Variants in DUS2 observed in about 807,000 individuals in gnomAD.
DUS2 encodes the protein dihydrouridine synthase 2.
DUS2 carries 52 observed loss-of-function variants against 71.3 expected under a neutral mutation model. The observed-to-expected ratio is 0.73, with a 90% confidence interval of 0.58 to 0.92. The LOEUF (loss-of-function observed/expected upper bound fraction) is 0.92, where lower values mean the gene tolerates loss of function less well. Among genes scored for constraint, DUS2 ranks in the 40% least tolerant of loss-of-function variants. The pLI, the probability that DUS2 is intolerant of heterozygous loss-of-function variation, is 0.00. For synonymous variants in DUS2, 204 were observed against 227.8 expected (o/e 0.90, Z 0.94); for missense variants, 558 against 622.6 (o/e 0.90, Z 1.10).
rs201827653 is a variant in DUS2, at chr16:68,078,515, T to C, written c.1241T>C (p.Leu414Ser). 5.0e-5 allele frequency: 81 copies of C among 1,613,830 alleles called. No homozygotes were observed. Among genetic ancestry groups the C allele is most frequent in the Middle Eastern group, 1.6e-4 (1 of 6,082 alleles). ...TVAEQKYQSTLWDKSKKLAEQ... is the reference protein window; with the variant it reads ...TVAEQKYQSTSWDKSKKLAEQ... ...GCTGAACAAAAGTATCAGTCTACCT[T>C]GTGGTAAGTTTCCTTATCATAGGAG... The change falls in exon 16 of 17, where the codon TTG (leucine) becomes TCG (serine). Residue 414 changes from leucine to serine, a missense_variant. Coordinates refer to ENST00000565263, the MANE Select transcript of DUS2 (RefSeq NM_017803.5).
At chr16:68,056,790 TCATA>T (rs563625447) in intron 7 of DUS2, among the ~76,000 whole-genome samples, 5,488 of 147,272 alleles carry the variant, frequency 0.037, 112 homozygotes, top group Middle Eastern at 0.13. Flanking sequence ...ATATATAGAT[TCATA>T]CATAGATTAT....
Position 68,074,059 on chromosome 16 carries a change from C to T in DUS2, c.836C>T (p.Thr279Ile). Residue 279 changes from threonine to isoleucine, a missense_variant, in exon 13 of 17, where the codon ACC becomes ATC. Transcript: ENST00000565263. ...GCGGTGCAGTATGACAACCACTACA[C>T]CAACACCAAGTACTGCTTGTGCCAG... is the stretch of plus-strand genomic sequence containing the variant. ...RYAVQYDNHY[T>I]NTKYCLCQML... is the part of the protein sequence containing the mutation. 2 of 1,614,190 alleles carry T rather than the reference C, an allele frequency of 1.2e-6. No homozygotes were observed. Among genetic ancestry groups the T allele is most frequent in the Non-Finnish European group, 1.7e-6 (2 of 1,180,018 alleles).
intron 3 of DUS2, among the ~76,000 whole-genome samples, chr16:68,042,086 T>G (rs927406726): frequency 3.9e-5 from 6 of 152,206 alleles, no homozygotes; most frequent in Non-Finnish European, 5.9e-5. Flanking sequence ...TTGACTACTT[T>G]AGATACCTTA....
chr16:68,068,496 C>T (rs1463013458), intron 10 of DUS2, among the ~76,000 whole-genome samples: 1 of 151,304 alleles, frequency 6.6e-6, no homozygotes, highest in African/African-American at 2.4e-5. Flanking sequence ...AAGATAATTT[C>T]TACTTTATAG....
chr16:68,044,616 C>T (rs576485071), intron 3 of DUS2, among the ~76,000 whole-genome samples: 5 of 151,432 alleles, frequency 3.3e-5, no homozygotes, highest in East Asian at 1.9e-4. Flanking sequence ...AGGCTGGTCT[C>T]GAACTCCTGA....
chr16:68,030,890 C>T (rs894097889), intron 2 of DUS2, among the ~76,000 whole-genome samples: 1 of 151,960 alleles, frequency 6.6e-6, no homozygotes, highest in Non-Finnish European at 1.5e-5. Context: ...CCTTCCATCA[C>T]TCCTGGCTAG....
At chr16:68,050,937 G>A (rs1459362553) in intron 4 of DUS2, among the ~76,000 whole-genome samples, 1 of 152,176 alleles carries the variant, frequency 6.6e-6, no homozygotes, top group African/African-American at 2.4e-5. Flanking sequence ...AGCTGTCTCT[G>A]TCAGTGATCA....
intron 1 of DUS2, among the ~76,000 whole-genome samples, 187 bp from the exon 2 acceptor site, chr16:68,025,228 C>G (rs914893725): frequency 4.6e-5 from 7 of 151,484 alleles, no homozygotes; most frequent in Non-Finnish European, 8.8e-5. Flanking sequence ...CCCAGCTACT[C>G]GGGAGGCTGA....
At position 68,049,563 on chromosome 16, in the gene DUS2, C is replaced by A. The variant is rs2033750534; in HGVS notation, c.172+13C>A. 1.9e-6 allele frequency: 3 copies of A among 1,613,758 alleles called. No individual in the cohort carries two copies. The highest frequency in any genetic ancestry group is 3.3e-5 in the Admixed American group (2 of 59,988). ...AGAGTTGTTAATGGTGAGTACAGAT[C>A]TGGCTCCAGAATTATGCATATGCCC... On this transcript the variant is annotated intron_variant, in intron 4 of 16. Transcript: ENST00000565263.
chr16:68,040,926 C>T (rs764165358), intron 3 of DUS2, among the ~76,000 whole-genome samples: 22 of 152,062 alleles, frequency 1.4e-4, no homozygotes, highest in Non-Finnish European at 2.5e-4. Flanking sequence ...CATGTAGGCA[C>T]CTCCTTAAAA....
chr16:68,031,356 G>T (rs1055959309), intron 2 of DUS2, among the ~76,000 whole-genome samples: 2 of 151,488 alleles, frequency 1.3e-5, no homozygotes, highest in Non-Finnish European at 2.9e-5. Context: ...GTAGAGACGG[G>T]GTTTCACCAT....
intron 8 of DUS2, among the ~76,000 whole-genome samples, chr16:68,066,086 T>C (rs1040888532): frequency 1.2e-4 from 18 of 152,230 alleles, no homozygotes; most frequent in African/African-American, 4.1e-4. Context: ...CAAATATGTG[T>C]ATACCACTAG....
chr16:68,042,275 A>G (rs2033636061), intron 3 of DUS2, among the ~76,000 whole-genome samples: 1 of 152,080 alleles, frequency 6.6e-6, no homozygotes, highest in African/African-American at 2.4e-5. Context: ...GTTAATGGCC[A>G]TTGGGTTGCT....
At position 68,054,554 on chromosome 16, in the gene DUS2, G is replaced by A. The variant is rs1335690982; in HGVS notation, c.265-20G>A. On this transcript the variant is annotated intron_variant, in intron 5 of 16. Transcript: ENST00000565263. ...TATCTGTGTCAGGGCAGTGGTTGAT[G>A]CAGCCTCTTGTGTTCCCAGGGGACT... 1 of 1,614,082 alleles carries A rather than the reference G, an allele frequency of 6.2e-7. No homozygotes were observed. The highest frequency in any genetic ancestry group is 8.5e-7 in the Non-Finnish European group (1 of 1,179,994).
Position 68,075,627 on chromosome 16 carries a change from TG to T in DUS2, c.1082+125del, listed in dbSNP as rs2034146627. 1.6e-5 allele frequency: 16 copies of T among 1,028,026 alleles called. No individual in the cohort carries two copies. The South Asian group carries it at 3.3e-4, about 21-fold the overall frequency. The allele number at this position is 1,028,026 out of a possible 1,614,324, so 63.7% of individuals were successfully genotyped here. A position where few individuals can be genotyped will look rare whatever the true frequency, so the allele number is the denominator to read the frequency against. On this transcript the variant is annotated intron_variant, in intron 14 of 16. Transcript: ENST00000565263. ...GTAGGGACCACAGGTCTTGTTGGTT[TG>T]GAAACTCGTTCTAAATTTTCAGCAT... is the stretch of plus-strand genomic sequence containing the variant.
intron 8 of DUS2, among the ~76,000 whole-genome samples, chr16:68,062,459 C>T (rs571855226): frequency 8.9e-4 from 135 of 152,030 alleles, no homozygotes; most frequent in African/African-American, 3.2e-3. Flanking sequence ...GTGGCTCATG[C>T]CTGTAATCCC....
At chr16:68,043,262 C>T (rs781443175) in intron 3 of DUS2, among the ~76,000 whole-genome samples, 2 of 151,992 alleles carry the variant, frequency 1.3e-5, no homozygotes, top group South Asian at 2.1e-4. Flanking sequence ...AAAAATTAGC[C>T]GGGTGTGGTG....
intron 4 of DUS2, among the ~76,000 whole-genome samples, chr16:68,052,966 A>AT (rs531432284): frequency 0.07 from 8,726 of 123,782 alleles, 353 homozygotes; most frequent in Middle Eastern, 0.19. Context: ...TTGTTTCAAC[A>AT]TTTTTTTTTT....
chr16:68,044,666 G>C (rs2033676238), intron 3 of DUS2, among the ~76,000 whole-genome samples: 1 of 151,842 alleles, frequency 6.6e-6, no homozygotes, highest in African/African-American at 2.4e-5. Flanking sequence ...CCAAAGTGCT[G>C]GTATTAAAAG....
Sources: allele counts gnomAD v4.1 joint callset (sites outside exome capture counted in the v4.1 genomes callset), GRCh38; gene constraint gnomAD v4.1.1; transcripts MANE v1.5; gene names NCBI Gene and HGNC (gene_info 2026-07-23, HGNC 2026-07-21).